SPATA17: variants seen among roughly 807,000 people sequenced by gnomAD.
SPATA17 encodes spermatogenesis-associated protein 17.
A neutral mutation model predicts 62.2 loss-of-function variants in SPATA17; 53 were observed. The observed-to-expected ratio is 0.85, with a 90% CI of 0.68 to 1.07. SPATA17 has a LOEUF of 1.07. Ranked by LOEUF, SPATA17 falls within the 50% of genes least tolerant of loss-of-function variation. The probability of loss-of-function intolerance (pLI) is 0.00; values close to 1 mark genes in which losing one functional copy is unlikely to be tolerated. For missense variants in SPATA17, 466 were observed against 425.5 expected, an observed-to-expected ratio of 1.10 and a Z score of -0.84; for synonymous variants, 146 against 146.8, an observed-to-expected ratio of 0.99 and a Z score of 0.04.
intron 3 of SPATA17, among the ~76,000 whole-genome samples, chr1:217,664,501 G>T (rs1185175586): frequency 6.6e-6 from 1 of 151,780 alleles, no homozygotes; most frequent in Non-Finnish European, 1.5e-5. Context: ...CACCGTGTTG[G>T]CCAGGCTGGT....
intron 8 of SPATA17, 41 bp downstream of exon 8, chr1:217,782,363 G>A: frequency 1.3e-6 from 2 of 1,535,848 alleles, no homozygotes. Context: ...GACATATTTG[G>A]TGCCTTAAAT....
rs1443983233 is a variant in SPATA17, at chr1:217,867,322, C to G, written c.*303C>G. On this transcript the variant is annotated 3_prime_UTR_variant, in exon 11 of 11. Coordinates refer to ENST00000366933, the MANE Select transcript of SPATA17 (RefSeq NM_138796.4). ...TGAAATACCCATATTCTGACCCCAT[C>G]ACCCGGGTCACAAATGATGACACCA... 1 of 152,178 alleles carries G rather than the reference C, an allele frequency of 6.6e-6. No individual in the cohort carries two copies. Among genetic ancestry groups the G allele is most frequent in the Non-Finnish European group, 1.5e-5 (1 of 68,046 alleles). 9.4% of individuals were successfully genotyped at this position (152,178 alleles called of 1,614,324 possible). A position where few individuals can be genotyped will look rare whatever the true frequency, so the allele number is the denominator to read the frequency against.
At chr1:217,732,328 C>G (rs187094393) in intron 5 of SPATA17, among the ~76,000 whole-genome samples, 5 of 152,228 alleles carry the variant, frequency 3.3e-5, no homozygotes, top group Admixed American at 3.3e-4. Flanking sequence ...TTATGTTAGC[C>G]TCAAGATTAG....
At chr1:217,861,715 T>C (rs1675901212) in intron 9 of SPATA17, among the ~76,000 whole-genome samples, 2 of 152,204 alleles carry the variant, frequency 1.3e-5, no homozygotes. Flanking sequence ...AAGGATTTCA[T>C]TCATATTAAT....
intron 8 of SPATA17, among the ~76,000 whole-genome samples, chr1:217,799,769 T>G (rs997963043): frequency 2.0e-5 from 3 of 152,026 alleles, no homozygotes; most frequent in African/African-American, 7.2e-5. Context: ...AATTTAGACT[T>G]TTAAGAACAC....
chr1:217,717,043 G>T (rs549573122), intron 5 of SPATA17, among the ~76,000 whole-genome samples: 79 of 152,284 alleles, frequency 5.2e-4, no homozygotes, highest in African/African-American at 1.9e-3. Context: ...GCCTCTTTAT[G>T]TTTTGAATTA....
At chr1:217,728,407 A>G (rs1672319911) in intron 5 of SPATA17, among the ~76,000 whole-genome samples, 1 of 152,172 alleles carries the variant, frequency 6.6e-6, no homozygotes, top group Non-Finnish European at 1.5e-5. Flanking sequence ...TAGATGTTTG[A>G]TAAAGAATGA....
At chr1:217,785,470 G>T (rs1221733113) in intron 8 of SPATA17, among the ~76,000 whole-genome samples, 1 of 152,026 alleles carries the variant, frequency 6.6e-6, no homozygotes, top group Non-Finnish European at 1.5e-5. Flanking sequence ...AAAGGGGGAA[G>T]TGCCACACTT....
intron 5 of SPATA17, among the ~76,000 whole-genome samples, chr1:217,699,576 G>A (rs1671545502): frequency 6.6e-6 from 1 of 151,806 alleles, no homozygotes; most frequent in African/African-American, 2.4e-5. Context: ...TGAGATTTTG[G>A]GAGTTTTTAA....
intron 9 of SPATA17, among the ~76,000 whole-genome samples, chr1:217,819,519 A>T (rs1490087507): frequency 6.6e-6 from 1 of 151,848 alleles, no homozygotes; most frequent in African/African-American, 2.4e-5. Context: ...GCCTGTGTTT[A>T]GCCTTTTAAC....
intron 9 of SPATA17, among the ~76,000 whole-genome samples, chr1:217,857,966 C>A (rs1251590668): frequency 6.6e-6 from 1 of 152,054 alleles, no homozygotes; most frequent in Non-Finnish European, 1.5e-5. Flanking sequence ...TTGCAGACAC[C>A]AAAATGTTAC....
intron 6 of SPATA17, among the ~76,000 whole-genome samples, chr1:217,760,243 T>C (rs1673140593): frequency 6.6e-6 from 1 of 152,170 alleles, no homozygotes; most frequent in South Asian, 2.1e-4. Context: ...TTTCTGGGCT[T>C]TCTACTATCA....
intron 4 of SPATA17, among the ~76,000 whole-genome samples, chr1:217,670,759 T>C (rs1379368651): frequency 6.6e-6 from 1 of 152,058 alleles, no homozygotes; most frequent in Non-Finnish European, 1.5e-5. Flanking sequence ...GAGGCCAGCC[T>C]GGCCAACATG....
chr1:217,729,704 C>T (rs1250073945), intron 5 of SPATA17, among the ~76,000 whole-genome samples: 1 of 152,034 alleles, frequency 6.6e-6, no homozygotes, highest in Non-Finnish European at 1.5e-5. Context: ...TATTCTTTGC[C>T]TTAAAAACAG....
chr1:217,855,400 G>A (rs2103013913), intron 9 of SPATA17, among the ~76,000 whole-genome samples: 1 of 152,246 alleles, frequency 6.6e-6, no homozygotes, highest in African/African-American at 2.4e-5. Flanking sequence ...CTAGTTAGAT[G>A]TTCAATTTCA....
At chr1:217,769,662 C>T (rs1249224762) in intron 6 of SPATA17, among the ~76,000 whole-genome samples, 2 of 152,126 alleles carry the variant, frequency 1.3e-5, no homozygotes, top group Non-Finnish European at 2.9e-5. Context: ...TAAAGTAAAA[C>T]AAAGAAGACT....
intron 6 of SPATA17, among the ~76,000 whole-genome samples, chr1:217,755,131 A>G (rs1475713176): frequency 6.6e-6 from 1 of 152,092 alleles, no homozygotes; most frequent in South Asian, 2.1e-4. Context: ...TTACAAAACA[A>G]AAAAAGAGGA....
intron 1 of SPATA17, among the ~76,000 whole-genome samples, chr1:217,633,617 A>T (rs965438445): frequency 6.6e-6 from 1 of 152,172 alleles, no homozygotes; most frequent in Non-Finnish European, 1.5e-5. Context: ...TCTTCCCATT[A>T]AGCTGATTTA....
chr1:217,847,667 A>T (rs1349625478), intron 9 of SPATA17, among the ~76,000 whole-genome samples: 1 of 152,126 alleles, frequency 6.6e-6, no homozygotes, highest in Admixed American at 6.6e-5. Context: ...AAATGTTCAG[A>T]TGTAGGTAAA....
Sources: allele counts gnomAD v4.1 joint callset (sites outside exome capture counted in the v4.1 genomes callset), GRCh38; gene constraint gnomAD v4.1.1; transcripts MANE v1.5; gene names NCBI Gene and HGNC (gene_info 2026-07-23, HGNC 2026-07-21).